Variants in TNRC18 observed in about 807,000 individuals in gnomAD.
TNRC18 encodes the protein trinucleotide repeat containing 18.
Under a neutral mutation model 226.7 loss-of-function variants are expected in TNRC18, and 69 were observed. The ratio of observed to expected loss-of-function variants is 0.30; its 90% CI spans 0.25 to 0.37. TNRC18 has a LOEUF of 0.37. TNRC18 is among the 10% of genes least tolerant of loss of function. The pLI is 1.00. For synonymous variants in TNRC18, 2,449 were observed against 1,927.6 expected, an observed-to-expected ratio of 1.27 and a Z score of -7.09; for missense variants, 4,754 against 4,256.6, an observed-to-expected ratio of 1.12 and a Z score of -3.25.
chr7:5,327,923 C>T (rs1055779193), intron 19 of TNRC18, among the ~76,000 whole-genome samples: 2 of 152,088 alleles, frequency 1.3e-5, no homozygotes, highest in African/African-American at 4.8e-5. Context: ...GGCATTCAAC[C>T]ATTTAAAAAT....
chr7:5,414,946 T>TAA (rs1296676192), intron 2 of TNRC18, among the ~76,000 whole-genome samples: 1 of 152,252 alleles, frequency 6.6e-6, no homozygotes, highest in Non-Finnish European at 1.5e-5. Context: ...CAGTCTCTTT[T>TAA]AATCAGGAAC....
intron 14 of TNRC18, 25 bp from the exon 15 acceptor site, chr7:5,359,594 C>T (rs1258486257): frequency 1.2e-6 from 2 of 1,612,436 alleles, no homozygotes; most frequent in Non-Finnish European, 8.5e-7. Flanking sequence ...CACTGCCGGT[C>T]AGCACCCTGG....
At chr7:5,361,211 C>T (rs766903973) in intron 14 of TNRC18, among the ~76,000 whole-genome samples, 5 of 152,146 alleles carry the variant, frequency 3.3e-5, no homozygotes, top group Non-Finnish European at 7.4e-5. Flanking sequence ...CGGCGGAGAC[C>T]GAGCGACAGC....
chr7:5,388,571 C>A lies in TNRC18; in HGVS notation c.1253G>T (p.Arg418Leu). The A allele has an allele frequency of 1.5e-6, 2 of 1,302,214 alleles. No homozygotes were observed. Among genetic ancestry groups the A allele is most frequent in the Non-Finnish European group, 1.9e-6 (2 of 1,026,986 alleles). 80.7% of individuals were successfully genotyped at this position (1,302,214 alleles called of 1,614,324 possible). A position where few individuals can be genotyped will look rare whatever the true frequency, so the allele number is the denominator to read the frequency against. The change falls in exon 5 of 30, where the codon CGG becomes CTG. Residue 418 changes from arginine to leucine, a missense_variant. Transcript: ENST00000430969. ...CAGGCCCTCGGGCCGGTCCAGAGGC[C>A]GCGGGGAGCCGGGGGGCGCCTGCAG... Reference protein sequence around the residue: ...GVLQAPPGSPRPLDRPEGLRE... With the variant: ...GVLQAPPGSPLPLDRPEGLRE...
intron 18 of TNRC18, among the ~76,000 whole-genome samples, chr7:5,337,994 CA>C (rs1051568000): frequency 6.6e-6 from 1 of 151,828 alleles, no homozygotes; most frequent in African/African-American, 2.4e-5. Flanking sequence ...AAAAACAAAA[CA>C]AAACAAAACT....
intron 23 of TNRC18, 29 bp downstream of exon 23, chr7:5,320,503 C>T (rs761597523): frequency 6.3e-7 from 1 of 1,587,928 alleles, no homozygotes. Context: ...CACCCCGAGC[C>T]TCCCGAGGCC....
chr7:5,398,438 G>A (rs537777586), intron 2 of TNRC18, among the ~76,000 whole-genome samples: 59 of 152,316 alleles, frequency 3.9e-4, no homozygotes, highest in Middle Eastern at 6.8e-3. Flanking sequence ...CCAAAGTGCT[G>A]GGATTACAGG....
In TNRC18 at chr7:5,325,358, C is replaced by G; in HGVS notation, c.6148-110G>C. ...CAAGTTCTGTGCCACCCCAAGTGCGCCCTCCCAGGAGGAACAAAACACCCC... is the reference window on the plus strand; with the variant it reads ...CAAGTTCTGTGCCACCCCAAGTGCGGCCTCCCAGGAGGAACAAAACACCCC... On this transcript the variant is annotated intron_variant, in intron 19 of 29. Coordinates refer to ENST00000430969, the MANE Select transcript of TNRC18 (RefSeq NM_001080495.3). 3 of 1,284,312 alleles carry G rather than the reference C, an allele frequency of 2.3e-6. No homozygotes were observed. In the South Asian group the frequency reaches 4.2e-5, roughly 18 times the overall value. The allele number at this position is 1,284,312 out of a possible 1,614,324, so 79.6% of individuals were successfully genotyped here.
chr7:5,409,379 A>T (rs917679343), intron 2 of TNRC18, among the ~76,000 whole-genome samples: 3 of 152,146 alleles, frequency 2.0e-5, no homozygotes, highest in African/African-American at 7.2e-5. Context: ...AACTCAGGTT[A>T]TAAGAGCTCT....
chr7:5,364,624 T>C (rs1225697717), intron 11 of TNRC18, among the ~76,000 whole-genome samples: 1 of 151,496 alleles, frequency 6.6e-6, no homozygotes, highest in Non-Finnish European at 1.5e-5. Context: ...GCCAACATGG[T>C]AAAACCCCCT....
intron 19 of TNRC18, among the ~76,000 whole-genome samples, chr7:5,330,866 G>A (rs1264156369): frequency 6.6e-6 from 1 of 151,982 alleles, no homozygotes; most frequent in Non-Finnish European, 1.5e-5. Context: ...GTAGAGACAG[G>A]ATTTCGTCAT....
chr7:5,325,058 C>G lies in TNRC18; in HGVS notation c.6300+38G>C. 4.5e-6 allele frequency: 7 copies of G among 1,545,662 alleles called. 1 individual carries two copies. The highest frequency in any genetic ancestry group is 5.2e-6 in the Non-Finnish European group (6 of 1,144,932). ...CCCTGACCACAGGAGCATGGCTGAG[C>G]CCCCCACAGCCCCCAACCAGGGCAC... On this transcript the variant is annotated intron_variant, in intron 20 of 29. Coordinates refer to ENST00000430969, the MANE Select transcript of TNRC18 (RefSeq NM_001080495.3).
intron 19 of TNRC18, among the ~76,000 whole-genome samples, chr7:5,326,010 A>AG (rs1217967484): frequency 6.6e-6 from 1 of 152,036 alleles, no homozygotes; most frequent in Non-Finnish European, 1.5e-5. Flanking sequence ...CTGGGATTAC[A>AG]GGCTGTTTTT....
intron 18 of TNRC18, among the ~76,000 whole-genome samples, chr7:5,333,962 C>T (rs1264403919): frequency 2.0e-5 from 3 of 152,214 alleles, no homozygotes; most frequent in Non-Finnish European, 4.4e-5. Flanking sequence ...GCTCAAGCCC[C>T]AGGTCAGAGC....
Position 5,374,190 on chromosome 7 carries a change from TGGG to T in TNRC18, c.3091_3093del (p.Pro1031del). ...GGTGGGGAGGCGGGCGGCGGGCTGGTGGGGTGGGAGCTGGGGGTGGCGGGGTAG... is the reference window on the plus strand; with the variant it reads ...GGTGGGGAGGCGGGCGGCGGGCTGGTGTGGGAGCTGGGGGTGGCGGGGTAG... On this transcript the variant is annotated inframe_deletion, in exon 10 of 30. Transcript: ENST00000430969. The T allele has an allele frequency of 1.3e-5, 1 of 77,216 alleles. No individual in the cohort carries two copies. Among genetic ancestry groups the T allele is most frequent in the Non-Finnish European group, 1.7e-5 (1 of 60,352 alleles). 4.8% of individuals were successfully genotyped at this position (77,216 alleles called of 1,614,324 possible).
chr7:5,349,345 G>C (rs941239602), intron 17 of TNRC18, among the ~76,000 whole-genome samples: 1 of 152,214 alleles, frequency 6.6e-6, no homozygotes, highest in African/African-American at 2.4e-5. Context: ...AATGCAGCTT[G>C]CCGAGGGCTG....
In TNRC18 at chr7:5,332,864, G is replaced by A. The variant is rs1789689591; in HGVS notation, c.5905C>T (p.Arg1969Cys). 8 of 1,511,862 alleles carry A rather than the reference G, an allele frequency of 5.3e-6. No homozygotes were observed. Among genetic ancestry groups the A allele is most frequent in the African/African-American group, 1.4e-5 (1 of 70,498 alleles). The allele number at this position is 1,511,862 out of a possible 1,614,324, so 93.7% of individuals were successfully genotyped here. ...DKAKLAVEKG[R>C]KARKLRGPKE... Reference sequence around the variant, plus strand: ...GGGCCCCGCAGCTTCCGGGCCTTGCGCCCCTTCTCCACCGCCAGCTTGGCC... The same window carrying A: ...GGGCCCCGCAGCTTCCGGGCCTTGCACCCCTTCTCCACCGCCAGCTTGGCC... The change falls in exon 19 of 30, where the codon CGC (arginine) becomes TGC (cysteine). Residue 1969 changes from arginine (R) to cysteine (C), a missense_variant. By Grantham distance (180) the Arg-to-Cys change is radical. Transcript: ENST00000430969.
At chr7:5,330,114 T>C in intron 19 of TNRC18, 1 of 401,388 alleles carries the variant, frequency 2.5e-6, no homozygotes, top group South Asian at 1.9e-5. Context: ...TTATTTTTAG[T>C]AGAAACGGAG....
intron 19 of TNRC18, among the ~76,000 whole-genome samples, chr7:5,327,341 G>A (rs573367788): frequency 6.6e-6 from 1 of 151,842 alleles, no homozygotes; most frequent in Non-Finnish European, 1.5e-5. Context: ...CCCCATTTTG[G>A]GGGGGAAAAA....
Sources: allele counts gnomAD v4.1 joint callset (sites outside exome capture counted in the v4.1 genomes callset), GRCh38; gene constraint gnomAD v4.1.1; transcripts MANE v1.5; gene names NCBI Gene and HGNC (gene_info 2026-07-23, HGNC 2026-07-21).